The following KAT7 variants were observed in gnomAD, a reference collection of about 807,000 sequenced individuals.
KAT7 encodes the protein histone acetyltransferase KAT7.
Under a neutral mutation model 82.1 loss-of-function variants are expected in KAT7, and 10 were observed. That is an observed-to-expected ratio of 0.12 (90% CI 0.08 to 0.21). KAT7 has a LOEUF of 0.21. Ranked by LOEUF, KAT7 falls within the 10% of genes least tolerant of loss-of-function variation. KAT7 has a pLI of 1.00. For missense variants in KAT7, 378 were observed against 760.9 expected (o/e 0.50, Z 5.92); for synonymous variants, 250 against 262.5 (o/e 0.95, Z 0.46).
At chr17:49,816,246 A>G (rs913270246) in intron 8 of KAT7, among the ~76,000 whole-genome samples, 1 of 152,186 alleles carries the variant, frequency 6.6e-6, no homozygotes, top group Non-Finnish European at 1.5e-5. Context: ...AGCCTAGGAG[A>G]GACTCATCTC....
intron 11 of KAT7, 99 bp from the exon 12 acceptor site, chr17:49,823,103 A>G (rs2074326393): frequency 1.4e-6 from 1 of 717,452 alleles, no homozygotes. Context: ...CTGGTTAGCC[A>G]GATGTTTTGC....
rs1050920309 is a variant in KAT7 at position 49,831,666 on chromosome 17, A to C, written c.*4164A>C. The C allele has an allele frequency of 1.3e-5, 2 of 151,892 alleles. No homozygotes were observed. Among genetic ancestry groups the C allele is most frequent in the African/African-American group, 4.8e-5 (2 of 41,328 alleles). The allele number at this position is 151,892 out of a possible 1,614,324, so 9.4% of individuals were successfully genotyped here. A position where few individuals can be genotyped will look rare whatever the true frequency, so the allele number is the denominator to read the frequency against. On this transcript the variant is annotated 3_prime_UTR_variant, in exon 15 of 15. Transcript: ENST00000259021. The stretch of plus-strand genomic sequence containing the variant: ...CTGGGGATAATGAGTCATATTAAGT[A>C]ATTTTTTTTTTTGAGACGGAGTTTC...
chr17:49,811,686 G>C, intron 7 of KAT7, 112 bp downstream of exon 7: 1 of 455,422 alleles, frequency 2.2e-6, no homozygotes, highest in Non-Finnish European at 3.9e-6. Context: ...CTCCACATGT[G>C]AATACCAATT....
chr17:49,819,322 A>G (rs546498577), intron 9 of KAT7, among the ~76,000 whole-genome samples: 2 of 152,282 alleles, frequency 1.3e-5, no homozygotes, highest in East Asian at 3.9e-4. Context: ...GGCTAGAGTC[A>G]TGGAGGGGAG....
At chr17:49,814,253 T>G (rs1023644915) in intron 7 of KAT7, among the ~76,000 whole-genome samples, 3 of 152,216 alleles carry the variant, frequency 2.0e-5, no homozygotes, top group African/African-American at 7.2e-5. Flanking sequence ...TACATGGACA[T>G]AGGCCAATGT....
intron 12 of KAT7, chr17:49,824,597 G>A (rs973059828): frequency 1.6e-4 from 24 of 152,202 alleles, no homozygotes; most frequent in African/African-American, 5.6e-4. Flanking sequence ...CCGAGCTCAG[G>A]TGATCCGCCC....
Position 49,827,739 on chromosome 17 carries a change from G to A in KAT7, c.*237G>A, listed in dbSNP as rs1282141249. On this transcript the variant is annotated 3_prime_UTR_variant, in exon 15 of 15. Coordinates refer to ENST00000259021, the MANE Select transcript of KAT7 (RefSeq NM_007067.5). ...GATGGGATCTGTATTAGACTTGAGT[G>A]CAGGTCTCTCAGCACTGACCCAAGG... 1 of 548,682 alleles carries A rather than the reference G, an allele frequency of 1.8e-6. No individual in the cohort carries two copies. The highest frequency in any genetic ancestry group is 1.9e-5 in the African/African-American group (1 of 53,100). 34.0% of individuals were successfully genotyped at this position (548,682 alleles called of 1,614,324 possible). A position where few individuals can be genotyped will look rare whatever the true frequency, so the allele number is the denominator to read the frequency against.
At position 49,791,990 on chromosome 17, in the gene KAT7, T is replaced by C. The variant is rs1464809690; in HGVS notation, c.120T>C (p.Ala40=). 3 of 1,614,158 alleles carry C rather than the reference T, an allele frequency of 1.9e-6. No individual in the cohort carries two copies. Among genetic ancestry groups the C allele is most frequent in the Admixed American group, 3.3e-5 (2 of 60,026 alleles). The change falls in exon 2 of 15, where the codon GCT becomes GCC. Residue 40 remains alanine, a synonymous_variant. Transcript: ENST00000259021. ...SESDGTSRRS[A]RVTRSSARLS... is the part of the protein sequence containing the mutation. ...GTGATGGCACATCCCGACGATCTGC[T>C]CGAGTCACCCGCTCCTCAGCCAGGC...
chr17:49,825,982 G>A lies in KAT7; in HGVS notation c.1481-18G>A, dbSNP rs771375190. 3.7e-6 allele frequency: 6 copies of A among 1,604,534 alleles called. No individual in the cohort carries two copies. In the South Asian group the frequency reaches 4.4e-5, roughly 12 times the overall value. On this transcript the variant is annotated intron_variant, in intron 12 of 14. Transcript: ENST00000259021. ...GATCGAGTGTTGCTAGAAAAAGTCT[G>A]TATTTGTTCCCTGGCAGGTTATTTG...
chr17:49,797,159 G>A (rs887542212), intron 3 of KAT7, among the ~76,000 whole-genome samples: 1 of 152,050 alleles, frequency 6.6e-6, no homozygotes, highest in East Asian at 1.9e-4. Context: ...TGCCTCCCGG[G>A]TTCACGCCAT....
chr17:49,818,998 A>G (rs1234838913), intron 9 of KAT7, among the ~76,000 whole-genome samples: 1 of 152,082 alleles, frequency 6.6e-6, no homozygotes, highest in Non-Finnish European at 1.5e-5. Context: ...CAGCTTCCCA[A>G]AGTGCTGGGA....
chr17:49,805,471 A>G lies in KAT7; in HGVS notation c.663+26A>G, dbSNP rs774769779. The stretch of plus-strand genomic sequence containing the variant: ...GTAATTGTGCTCTCATTTATTCAAC[A>G]CATGCTTATTGAGTGCTTACCGTTT... On this transcript the variant is annotated intron_variant, in intron 5 of 14. Transcript: ENST00000259021. 12 of 1,539,826 alleles carry G rather than the reference A, an allele frequency of 7.8e-6. No homozygotes were observed. The East Asian group carries it at 2.3e-4, about 29-fold the overall frequency.
intron 10 of KAT7, 88 bp downstream of exon 10, chr17:49,821,514 T>G: frequency 2.0e-6 from 3 of 1,479,354 alleles, no homozygotes; most frequent in Non-Finnish European, 2.8e-6. Context: ...TCACACCTTG[T>G]GAAGGACATA....
At chr17:49,796,638 G>T in intron 2 of KAT7, 112 bp from the exon 3 acceptor site, 2 of 767,822 alleles carry the variant, frequency 2.6e-6, no homozygotes, top group South Asian at 2.5e-5. Context: ...GGATTTGTTG[G>T]ATTTTGTGAA....
At chr17:49,817,671 C>T (rs1432501896) in intron 8 of KAT7, 149 bp from the exon 9 acceptor site, 7 of 599,394 alleles carry the variant, frequency 1.2e-5, no homozygotes, top group East Asian at 2.8e-5. Context: ...TTTGCCATTT[C>T]GGCCAGGCTG....
chr17:49,789,838 G>A (rs1231524064), intron 1 of KAT7: 1 of 152,204 alleles, frequency 6.6e-6, no homozygotes, highest in Non-Finnish European at 1.5e-5. Context: ...CTGGAAGGAA[G>A]TGAAGGAGCA....
At position 49,788,725 on chromosome 17, in the gene KAT7, T is replaced by G; in HGVS notation, c.-110T>G. 8.2e-7 allele frequency: 1 copy of G among 1,217,312 alleles called. No individual in the cohort carries two copies. Among genetic ancestry groups the G allele is most frequent in the Non-Finnish European group, 1.1e-6 (1 of 884,024 alleles). The allele number at this position is 1,217,312 out of a possible 1,614,324, so 75.4% of individuals were successfully genotyped here. On this transcript the variant is annotated 5_prime_UTR_variant, in exon 1 of 15. Coordinates refer to ENST00000259021, the MANE Select transcript of KAT7 (RefSeq NM_007067.5). ...GAGAGGCAGGAGGCACTAGGGATCGTCCGCAGGATTGGGACTGATACAGAG... is the reference window on the plus strand; with the variant it reads ...GAGAGGCAGGAGGCACTAGGGATCGGCCGCAGGATTGGGACTGATACAGAG...
chr17:49,798,332 A>G lies in KAT7; in HGVS notation c.354A>G (p.Thr118=). ...VDFSDRETKN[T]ADHDESPPRT... Reference sequence around the variant, plus strand: ...CTTTTGCTTTAGAAACTAAAAATACAGCTGATCATGATGAGTCACCGCCTC... The same window carrying G: ...CTTTTGCTTTAGAAACTAAAAATACGGCTGATCATGATGAGTCACCGCCTC... Residue 118 remains threonine, a synonymous_variant, in exon 4 of 15, where the codon ACA becomes ACG. Coordinates refer to ENST00000259021, the MANE Select transcript of KAT7 (RefSeq NM_007067.5). The G allele has an allele frequency of 6.2e-7, 1 of 1,614,030 alleles. No individual in the cohort carries two copies. Among genetic ancestry groups the G allele is most frequent in the Non-Finnish European group, 8.5e-7 (1 of 1,179,864 alleles).
intron 2 of KAT7, among the ~76,000 whole-genome samples, chr17:49,796,437 A>T (rs2073956986): frequency 2.0e-5 from 3 of 152,204 alleles, no homozygotes; most frequent in African/African-American, 4.8e-5. Flanking sequence ...CCTTTTCAAT[A>T]GGTCAGGAAA....
Sources: gnomAD v4.1 joint callset for allele counts (sites outside exome capture counted in the v4.1 genomes callset) on GRCh38, gnomAD v4.1.1 for gene constraint, MANE v1.5 for transcripts, NCBI Gene and HGNC (gene_info 2026-07-23, HGNC 2026-07-21) for gene names.